Variants in NUMA1 observed in about 807,000 individuals in gnomAD.
The protein encoded by NUMA1 is nuclear mitotic apparatus protein 1, also known as SP-H antigen.
In NUMA1, 62 loss-of-function variants were observed where a neutral mutation model predicts 237.1. The ratio of observed to expected loss-of-function variants is 0.26; its 90% CI spans 0.21 to 0.32. NUMA1 has a LOEUF of 0.32. Among genes scored for constraint, NUMA1 ranks in the 10% least tolerant of loss-of-function variants. NUMA1 has a pLI of 1.00. For synonymous variants in NUMA1, 1,028 were observed against 1,066.1 expected (o/e 0.96, Z 0.70); for missense variants, 2,533 against 2,666.5 (o/e 0.95, Z 1.10).
In NUMA1 at chr11:72,006,162, C is replaced by G; in HGVS notation, c.5565G>C (p.Gln1855His). 1.2e-6 allele frequency: 2 copies of G among 1,614,142 alleles called. No individual in the cohort carries two copies. Among genetic ancestry groups the G allele is most frequent in the Admixed American group, 1.7e-5 (1 of 60,024 alleles). Residue 1855 changes from glutamine to histidine, a missense_variant, in exon 22 of 27, where the codon CAG (glutamine) becomes CAC (histidine). Transcript: ENST00000393695. ...CGGGAGAACCCAGGCGAGCTAGAGA[C>G]TGAGTAGAGGAGGTGGCTCGCAGGC... is the stretch of plus-strand genomic sequence containing the variant. Reference protein sequence around the residue: ...QASLRATSSTQSLARLGSPDY... With the variant: ...QASLRATSSTHSLARLGSPDY...
intron 2 of NUMA1, among the ~76,000 whole-genome samples, chr11:72,044,604 G>C (rs920693867): frequency 1.4e-3 from 3 of 2,198 alleles, no homozygotes; most frequent in Admixed American, 5.5e-3. Context: ...GGTTACTTTG[G>C]GGGGGGGGAG....
intron 2 of NUMA1, among the ~76,000 whole-genome samples, chr11:72,061,386 C>T (rs2136164775): frequency 6.6e-6 from 1 of 152,076 alleles, no homozygotes; most frequent in Admixed American, 6.5e-5. Flanking sequence ...AGGAAAGAGC[C>T]CAAAACACTC....
At chr11:72,022,914 G>A (rs1002578614) in intron 6 of NUMA1, 151 bp downstream of exon 6, 1 of 609,116 alleles carries the variant, frequency 1.6e-6, no homozygotes, top group Non-Finnish European at 2.9e-6. Context: ...CTCAAGACAG[G>A]TGGCTGCCTG....
chr11:72,013,674 C>T lies in NUMA1; in HGVS notation c.3829G>A (p.Ala1277Thr). 6.2e-7 allele frequency: 1 copy of T among 1,609,266 alleles called. No homozygotes were observed. Among genetic ancestry groups the T allele is most frequent in the Non-Finnish European group, 8.5e-7 (1 of 1,179,978 alleles). ...ERLRLLQAET[A>T]SNSARAAERS... ...TCTGCAGCTCTGGCACTGTTGCTGG[C>T]TGTCTCTGCCTGCAGCAGGCGCAGC... Residue 1277 changes from alanine to threonine, a missense_variant, in exon 15 of 27, where the codon GCC becomes ACC. Physicochemically the swap from Ala to Thr is moderately conservative, Grantham distance 58. Transcript: ENST00000393695. This position sits in a 1 kb window ranked among gnomAD's most constrained non-coding sequence, Gnocchi z 6.8.
chr11:72,009,528 T>TA, intron 17 of NUMA1, 141 bp from the exon 18 acceptor site: 1 of 1,110,586 alleles, frequency 9.0e-7, no homozygotes, highest in Non-Finnish European at 1.2e-6. Flanking sequence ...CCACCCCAAA[T>TA]ACTCTCTGCC....
intron 2 of NUMA1, among the ~76,000 whole-genome samples, chr11:72,063,055 G>C (rs1019080915): frequency 6.6e-6 from 1 of 151,920 alleles, no homozygotes; most frequent in Non-Finnish European, 1.5e-5. Flanking sequence ...TGGGCAACAA[G>C]AGCGAAACTC....
chr11:72,019,187 GA>G (rs370842228), intron 9 of NUMA1, among the ~76,000 whole-genome samples: 21 of 144,698 alleles, frequency 1.5e-4, no homozygotes, highest in East Asian at 8.0e-4. Context: ...TTCTTTGTCA[GA>G]AAAAAAAAAA....
At chr11:72,074,367 G>A (rs1943607900) in intron 1 of NUMA1, among the ~76,000 whole-genome samples, 2 of 152,080 alleles carry the variant, frequency 1.3e-5, no homozygotes, top group South Asian at 4.2e-4. Flanking sequence ...AAAATAAAAA[G>A]AAGTAGTTTC....
At position 72,004,331 on chromosome 11, in the gene NUMA1, G is replaced by A; in HGVS notation, c.6017C>T (p.Ala2006Val). Reference sequence around the variant, plus strand: ...CATGGGGCGTGGGAAACAGCTGGTGGCCTTCTTAGACTATGGAGAAGAGGA... The same window carrying A: ...CATGGGGCGTGGGAAACAGCTGGTGACCTTCTTAGACTATGGAGAAGAGGA... The part of the protein sequence containing the change: ...QGPGTPESKK[A>V]TSCFPRPMTP... Residue 2006 changes from alanine (A) to valine (V), a missense_variant, in exon 25 of 27, where the codon GCC becomes GTC. Physicochemically the swap from Ala to Val is moderately conservative, Grantham distance 64. Around this residue, in one of 3 missense-constraint regions of NUMA1, gnomAD observed 795 missense variants for 750.8 expected, o/e 1.06. Transcript: ENST00000393695. 1.9e-6 allele frequency: 3 copies of A among 1,612,756 alleles called. No individual in the cohort carries two copies. Among genetic ancestry groups the A allele is most frequent in the Admixed American group, 1.7e-5 (1 of 59,454 alleles).
chr11:72,030,726 A>G (rs1421244005), intron 3 of NUMA1, among the ~76,000 whole-genome samples: 1 of 152,220 alleles, frequency 6.6e-6, no homozygotes, highest in Non-Finnish European at 1.5e-5. Context: ...TTTAAGAAAC[A>G]AGGTATTTTA....
chr11:72,077,323 G>A (rs1943755384), intron 1 of NUMA1, among the ~76,000 whole-genome samples: 1 of 152,136 alleles, frequency 6.6e-6, no homozygotes, highest in Non-Finnish European at 1.5e-5. Flanking sequence ...TGTAATGGAA[G>A]TACAGAACAC....
intron 2 of NUMA1, chr11:72,066,039 C>CCTGTAA (rs1943181584): frequency 6.6e-6 from 1 of 152,432 alleles, no homozygotes; most frequent in Non-Finnish European, 1.5e-5. Flanking sequence ...GGCGTGGTGG[C>CCTGTAA]TCATGCCTGT....
chr11:72,016,833 T>TCTG, intron 13 of NUMA1: 2 of 281,372 alleles, frequency 7.1e-6, no homozygotes, highest in Middle Eastern at 1.2e-3. Flanking sequence ...GAGTCCTAGA[T>TCTG]TATCCAAATC....
intron 24 of NUMA1, 61 bp downstream of exon 24, chr11:72,004,579 G>C: frequency 6.5e-7 from 1 of 1,531,054 alleles, no homozygotes; most frequent in Admixed American, 1.9e-5. Context: ...TTTAGTCCTT[G>C]GTGAGCTGGG....
At chr11:72,053,772 C>T (rs543044216) in intron 2 of NUMA1, among the ~76,000 whole-genome samples, 1 of 152,274 alleles carries the variant, frequency 6.6e-6, no homozygotes, top group East Asian at 1.9e-4. Flanking sequence ...ATGGGTTCCA[C>T]ATGTGTGGAT....
intron 2 of NUMA1, among the ~76,000 whole-genome samples, chr11:72,037,480 TG>T (rs1160373835): frequency 6.6e-6 from 1 of 151,972 alleles, no homozygotes; most frequent in Non-Finnish European, 1.5e-5. Flanking sequence ...CACTCCAGTT[TG>T]GGTGACAGAG....
At chr11:72,021,000 G>C in intron 8 of NUMA1, 2 of 550,382 alleles carry the variant, frequency 3.6e-6, no homozygotes, top group Admixed American at 6.5e-5. Context: ...ACTGCTGCCA[G>C]GCAGCAAGGA....
intron 2 of NUMA1, among the ~76,000 whole-genome samples, chr11:72,064,953 C>T (rs1943135518): frequency 6.6e-6 from 1 of 152,150 alleles, no homozygotes; most frequent in South Asian, 2.1e-4. Context: ...ATCCCTCTCC[C>T]CACATACTTG....
Position 72,015,097 on chromosome 11 carries a change from C to G in NUMA1, c.2406G>C (p.Glu802Asp), listed in dbSNP as rs376719518. ...CTACTTCTTTGACGAGCTGCTCACA[C>G]TCACTCTCAGCTGTGTGCTGGGCAG... is the stretch of plus-strand genomic sequence containing the variant. ...AMAAQHTAESECEQLVKEVAA... is the reference protein window; with the variant it reads ...AMAAQHTAESDCEQLVKEVAA... Residue 802 changes from glutamate to aspartate, a missense_variant, in exon 15 of 27, where the codon GAG becomes GAC. Transcript: ENST00000393695. The surrounding 1 kb of genome is among the most constrained non-coding windows in gnomAD (Gnocchi z 4.0). The G allele has an allele frequency of 5.6e-6, 9 of 1,613,754 alleles. No homozygotes were observed. In the African/African-American group the frequency reaches 6.7e-5, roughly 12 times the overall value.
Sources: gnomAD v4.1 joint callset for allele counts (sites outside exome capture counted in the v4.1 genomes callset) on GRCh38, gnomAD v4.1.1 for gene constraint, gnomAD v4.1.1 regional missense constraint, Gnocchi (gnomAD v3.1) non-coding constraint, MANE v1.5 for transcripts, NCBI Gene and HGNC (gene_info 2026-07-23, HGNC 2026-07-21) for gene names.